SMAD3: variants seen among roughly 807,000 people sequenced by gnomAD.
SMAD3 encodes SMAD family member 3.
In SMAD3, 12 loss-of-function variants were observed where a neutral mutation model predicts 51.8. The ratio of observed to expected loss-of-function variants is 0.23; its 90% CI spans 0.15 to 0.38. The LOEUF (loss-of-function observed/expected upper bound fraction) is 0.38, where lower values mean the gene tolerates loss of function less well. Ranked by LOEUF, SMAD3 falls within the 10% of genes least tolerant of loss-of-function variation. The pLI, the probability that SMAD3 is intolerant of heterozygous loss-of-function variation, is 1.00. For missense variants in SMAD3, 294 were observed against 565.6 expected (o/e 0.52, Z 4.87); for synonymous variants, 238 against 227.7 (o/e 1.05, Z -0.41).
chr15:67,187,802 G>A (rs1203954483), intron 8 of SMAD3, among the ~76,000 whole-genome samples: 1 of 152,226 alleles, frequency 6.6e-6, no homozygotes, highest in Non-Finnish European at 1.5e-5. Flanking sequence ...CATCCGTACA[G>A]ATGAGAGAAC....
chr15:67,189,888 T>C (rs1963315355), intron 8 of SMAD3, among the ~76,000 whole-genome samples: 1 of 152,032 alleles, frequency 6.6e-6, no homozygotes. Flanking sequence ...AGATGAGAAT[T>C]ATATCAGCAC....
chr15:67,129,484 ATTAG>A (rs1168648979), intron 1 of SMAD3, among the ~76,000 whole-genome samples: 2 of 144,958 alleles, frequency 1.4e-5, no homozygotes, highest in Non-Finnish European at 3.0e-5. Context: ...TAATTTCATT[ATTAG>A]TTATTGTTGT....
chr15:67,136,799 A>T (rs1961675345), intron 1 of SMAD3, among the ~76,000 whole-genome samples: 1 of 152,164 alleles, frequency 6.6e-6, no homozygotes, highest in Non-Finnish European at 1.5e-5. Context: ...CCCTATAGAG[A>T]TATTTTCTCC....
chr15:67,073,343 G>T (rs1460480203), intron 1 of SMAD3, among the ~76,000 whole-genome samples: 1 of 152,222 alleles, frequency 6.6e-6, no homozygotes, highest in Non-Finnish European at 1.5e-5. Context: ...TTTTGGCAGA[G>T]ACTCAGTTTA....
At chr15:67,139,049 G>A (rs1961746873) in intron 1 of SMAD3, among the ~76,000 whole-genome samples, 2 of 152,198 alleles carry the variant, frequency 1.3e-5, no homozygotes, top group Non-Finnish European at 2.9e-5. Context: ...CACAGATTGT[G>A]CCTTATATTA....
Position 67,113,619 on chromosome 15 carries a change from T to C in SMAD3, c.206+47259T>C, listed in dbSNP as rs573252864. On this transcript the variant is annotated intron_variant, in intron 1 of 8. Transcript: ENST00000327367. ...GTAGCCTGCACATTTGGCCTTGAGC[T>C]TTCTAGCAGCCAAGGGTAAAATGGA... 2.6e-5 allele frequency among the ~76,000 whole-genome samples: 4 copies of C among 152,330 alleles called. No individual in the cohort carries two copies. The South Asian group carries it at 8.3e-4, about 32-fold the overall frequency.
chr15:67,126,401 G>A (rs1961388495), intron 1 of SMAD3, among the ~76,000 whole-genome samples: 2 of 152,248 alleles, frequency 1.3e-5, no homozygotes, highest in South Asian at 2.1e-4. Context: ...TACCACAGCT[G>A]TCTGTTTCTT....
chr15:67,083,608 C>A (rs747006980), intron 1 of SMAD3, among the ~76,000 whole-genome samples: 1 of 152,186 alleles, frequency 6.6e-6, no homozygotes, highest in African/African-American at 2.4e-5. Flanking sequence ...AATTGCAGTT[C>A]AAACTACTTC....
chr15:67,123,104 G>A (rs184292753), intron 1 of SMAD3, among the ~76,000 whole-genome samples: 8 of 148,710 alleles, frequency 5.4e-5, no homozygotes, highest in Admixed American at 5.4e-4. Flanking sequence ...AGGCTGCAGT[G>A]TAAGGTTGCT....
intron 1 of SMAD3, among the ~76,000 whole-genome samples, chr15:67,151,473 C>T (rs1164198947): frequency 6.6e-6 from 1 of 152,160 alleles, no homozygotes; most frequent in Non-Finnish European, 1.5e-5. Context: ...GCTGGGACTA[C>T]AGGCTTGCGC....
intron 4 of SMAD3, among the ~76,000 whole-genome samples, chr15:67,168,280 G>GC (rs1566993185): frequency 6.6e-6 from 1 of 152,326 alleles, no homozygotes; most frequent in East Asian, 1.9e-4. Context: ...AAAGAGACTC[G>GC]CATGTACATT....
At position 67,084,242 on chromosome 15, in the gene SMAD3, A is replaced by AT. The variant is rs1400428923; in HGVS notation, c.206+17894dup. On this transcript the variant is annotated intron_variant, in intron 1 of 8. Transcript: ENST00000327367. ...AGGCGTCTGCCACCACACCTGGCTA[A>AT]TTTTTTTTTTTTGTATTTTTAGTAG... Among the ~76,000 whole-genome samples the AT allele has an allele frequency of 4.3e-3, 613 of 142,416 alleles. 6 individuals are homozygous for AT. Among genetic ancestry groups the AT allele is most frequent in the African/African-American group, 0.012 (478 of 38,994 alleles). 93.4% of individuals were successfully genotyped at this position (142,416 alleles called of 152,430 possible). A position where few individuals can be genotyped will look rare whatever the true frequency, so the allele number is the denominator to read the frequency against.
At chr15:67,143,070 A>C (rs1354983052) in intron 1 of SMAD3, 1 of 215,484 alleles carries the variant, frequency 4.6e-6, no homozygotes, top group Non-Finnish European at 9.9e-6. Flanking sequence ...TCGGTGACCC[A>C]CCTTGGGATG....
chr15:67,072,954 G>C (rs1408782488), intron 1 of SMAD3, among the ~76,000 whole-genome samples: 2 of 152,188 alleles, frequency 1.3e-5, no homozygotes, highest in African/African-American at 4.8e-5. Flanking sequence ...TGCCGTACCA[G>C]GTGCTAATTT....
intron 1 of SMAD3, among the ~76,000 whole-genome samples, chr15:67,150,924 C>T (rs1016670475): frequency 2.4e-5 from 3 of 126,294 alleles, no homozygotes; most frequent in Admixed American, 1.9e-4. Context: ...GGCACAATCT[C>T]GGCTCACTGC....
At chr15:67,143,621 A>G (rs55822652) in intron 1 of SMAD3, among the ~76,000 whole-genome samples, 2,753 of 152,192 alleles carry the variant, frequency 0.018, 84 homozygotes, top group African/African-American at 0.062. Context: ...TTTTAGTAGA[A>G]ACCATTTTCA....
chr15:67,164,778 TG>T, intron 1 of SMAD3, 116 bp from the exon 2 acceptor site: 1 of 1,073,822 alleles, frequency 9.3e-7, no homozygotes, highest in Non-Finnish European at 1.4e-6. Flanking sequence ...CCTCTGGATC[TG>T]GGAGAAATGA....
At chr15:67,090,811 T>G (rs1011917349) in intron 1 of SMAD3, among the ~76,000 whole-genome samples, 2 of 152,184 alleles carry the variant, frequency 1.3e-5, no homozygotes, top group African/African-American at 4.8e-5. Context: ...AAGTAACCCG[T>G]GACAGCAGTA....
At chr15:67,102,531 T>C (rs1451133964) in intron 1 of SMAD3, among the ~76,000 whole-genome samples, 1 of 152,150 alleles carries the variant, frequency 6.6e-6, no homozygotes, top group Non-Finnish European at 1.5e-5. Flanking sequence ...TCTGTCCTCA[T>C]CTGTGGGAAT....
Sources: gnomAD v4.1 joint callset for allele counts (sites outside exome capture counted in the v4.1 genomes callset) on GRCh38, gnomAD v4.1.1 for gene constraint, MANE v1.5 for transcripts, NCBI Gene and HGNC (gene_info 2026-07-23, HGNC 2026-07-21) for gene names.